Variants in GRID2 observed in about 807,000 individuals in gnomAD.
The protein encoded by GRID2 is glutamate receptor ionotropic, delta-2.
In GRID2, 33 loss-of-function variants were observed where a neutral mutation model predicts 114.8. The ratio of observed to expected loss-of-function variants is 0.29; its 90% CI spans 0.22 to 0.38. The LOEUF (loss-of-function observed/expected upper bound fraction) is 0.38, where lower values mean the gene tolerates loss of function less well. GRID2 is among the 10% of genes least tolerant of loss of function. The probability of loss-of-function intolerance (pLI) is 1.00; values close to 1 mark genes in which losing one functional copy is unlikely to be tolerated. For missense variants in GRID2, 1,184 were observed against 1,257.7 expected (o/e 0.94, Z 0.89); for synonymous variants, 505 against 449.9 (o/e 1.12, Z -1.55).
chr4:93,327,475 A>G (rs1757958028), intron 8 of GRID2, among the ~76,000 whole-genome samples: 1 of 152,038 alleles, frequency 6.6e-6, no homozygotes, highest in African/African-American at 2.4e-5. Flanking sequence ...TTCTATCTTA[A>G]GTAGAATCAT....
At chr4:92,383,654 TTTTC>T (rs1729725154) in intron 1 of GRID2, among the ~76,000 whole-genome samples, 1 of 151,934 alleles carries the variant, frequency 6.6e-6, no homozygotes. Context: ...TCTGTGTATG[TTTTC>T]TTTCTCTTTT....
At chr4:93,471,892 G>A (rs1392375790) in intron 11 of GRID2, among the ~76,000 whole-genome samples, 1 of 148,388 alleles carries the variant, frequency 6.7e-6, no homozygotes, top group African/African-American at 2.5e-5. Flanking sequence ...GAGAGACGGG[G>A]TTTCCCCATG....
intron 1 of GRID2, among the ~76,000 whole-genome samples, chr4:92,381,176 C>G (rs1460428710): frequency 1.3e-5 from 2 of 151,856 alleles, no homozygotes; most frequent in Admixed American, 6.6e-5. Context: ...ATTATTATCC[C>G]CATGTGTAGA....
chr4:93,793,169 A>G (rs2110360317), intron 1 of GRID2, among the ~76,000 whole-genome samples: 1 of 152,360 alleles, frequency 6.6e-6, no homozygotes, highest in Admixed American at 6.5e-5. Context: ...GCAAGAAATT[A>G]GAAAAATGGA....
At chr4:93,413,797 G>T (rs936227040) in intron 9 of GRID2, among the ~76,000 whole-genome samples, 3 of 151,766 alleles carry the variant, frequency 2.0e-5, no homozygotes, top group African/African-American at 7.3e-5. Flanking sequence ...AATTATGTAG[G>T]GATAAAAAAG....
chr4:92,592,820 A>T (rs1048037701), intron 2 of GRID2, among the ~76,000 whole-genome samples: 5 of 128,866 alleles, frequency 3.9e-5, no homozygotes, highest in African/African-American at 1.4e-4. Context: ...ACTTATTTAT[A>T]GAATTTTTTT....
At position 93,540,119 on chromosome 4, in the gene GRID2, ATTCTT is replaced by A. The variant is rs1364585925; in HGVS notation, c.2193+24709_2193+24713del. Among the ~76,000 whole-genome samples, 4 of 151,996 alleles carry A rather than the reference ATTCTT, an allele frequency of 2.6e-5. No homozygotes were observed. In the South Asian group the frequency reaches 8.3e-4, roughly 32 times the overall value. On this transcript the variant is annotated intron_variant, in intron 13 of 15. Transcript: ENST00000282020. The stretch of plus-strand genomic sequence containing the variant: ...GTGATTTTTTCCTTGGAAATTTTCT[ATTCTT>A]ATCTTTCAAAACTCCTGTTTTTCAT...
At chr4:93,515,733 CATTCAAGTTATCTG>C (rs1358343404) in intron 13 of GRID2, among the ~76,000 whole-genome samples, 8 of 152,200 alleles carry the variant, frequency 5.3e-5, no homozygotes, top group Admixed American at 3.9e-4. Flanking sequence ...TTCCAAATAT[CATTCAAGTTATCTG>C]ATTCTTTTAA....
chr4:92,708,453 T>C (rs1245978403), intron 2 of GRID2, among the ~76,000 whole-genome samples: 1 of 152,190 alleles, frequency 6.6e-6, no homozygotes, highest in African/African-American at 2.4e-5. Flanking sequence ...GTTAAGGTTT[T>C]GGTAGCACCG....
intron 2 of GRID2, among the ~76,000 whole-genome samples, chr4:92,923,711 A>G (rs560152112): frequency 6.6e-6 from 1 of 152,324 alleles, no homozygotes; most frequent in Non-Finnish European, 1.5e-5. Flanking sequence ...CTGTTATTAC[A>G]GATAGCTCCA....
chr4:93,267,863 G>A (rs1325481274), intron 8 of GRID2, among the ~76,000 whole-genome samples: 3 of 152,186 alleles, frequency 2.0e-5, no homozygotes, highest in Admixed American at 6.5e-5. Context: ...CCCTCTCTGA[G>A]CTAGGATTGG....
intron 2 of GRID2, among the ~76,000 whole-genome samples, chr4:92,893,414 T>A (rs1328163812): frequency 6.6e-6 from 1 of 152,160 alleles, no homozygotes; most frequent in African/African-American, 2.4e-5. Flanking sequence ...TAGGAAGGTA[T>A]CTGGATTGAC....
At chr4:93,802,597 G>A (rs922446334) in intron 1 of GRID2, among the ~76,000 whole-genome samples, 3 of 152,102 alleles carry the variant, frequency 2.0e-5, no homozygotes, top group African/African-American at 4.8e-5. Flanking sequence ...CAGAATCTTC[G>A]AATTGTGCAT....
intron 2 of GRID2, among the ~76,000 whole-genome samples, chr4:92,681,403 G>A (rs994669389): frequency 6.6e-6 from 1 of 152,110 alleles, no homozygotes; most frequent in African/African-American, 2.4e-5. Flanking sequence ...AGAACATGTG[G>A]TGTTTGGTTT....
chr4:93,624,434 T>G (rs1270336227), intron 13 of GRID2, among the ~76,000 whole-genome samples: 1 of 152,188 alleles, frequency 6.6e-6, no homozygotes, highest in East Asian at 1.9e-4. Flanking sequence ...CAAAGAGAGT[T>G]TAAGCTTGTA....
chr4:93,025,724 T>A (rs1723822609), intron 2 of GRID2, among the ~76,000 whole-genome samples: 1 of 151,916 alleles, frequency 6.6e-6, no homozygotes, highest in Non-Finnish European at 1.5e-5. Flanking sequence ...GCTTTAAATA[T>A]AACCATTTTC....
intron 13 of GRID2, among the ~76,000 whole-genome samples, chr4:93,610,992 G>T (rs371110628): frequency 3.0e-5 from 4 of 132,200 alleles, no homozygotes; most frequent in East Asian, 2.0e-4. Flanking sequence ...CAATTTCAGA[G>T]CCTGTTATTG....
intron 2 of GRID2, chr4:92,702,597 T>C (rs1734737493): frequency 6.6e-6 from 1 of 152,106 alleles, no homozygotes; most frequent in Non-Finnish European, 1.5e-5. Flanking sequence ...CCTTTTCTTA[T>C]GAACCCCACT....
chr4:93,567,460 T>G (rs1735539032), intron 13 of GRID2, among the ~76,000 whole-genome samples: 2 of 152,218 alleles, frequency 1.3e-5, no homozygotes, highest in South Asian at 4.1e-4. Context: ...AGATTAATTT[T>G]ACAAATACTA....
Sources: allele counts gnomAD v4.1 joint callset (sites outside exome capture counted in the v4.1 genomes callset), GRCh38; gene constraint gnomAD v4.1.1; transcripts MANE v1.5; gene names NCBI Gene and HGNC (gene_info 2026-07-23, HGNC 2026-07-21).